Variants in HAO1 observed in about 807,000 individuals in gnomAD.
HAO1 encodes the protein hydroxyacid oxidase 1.
Under a neutral mutation model 39.7 loss-of-function variants are expected in HAO1, and 34 were observed. That is an observed-to-expected ratio of 0.86 (90% CI 0.65 to 1.14). HAO1 has a LOEUF of 1.14. Ranked by LOEUF, HAO1 falls within the 50% of genes most tolerant of loss-of-function variation. The pLI is 0.00. For synonymous variants in HAO1, 172 were observed against 173.2 expected (o/e 0.99, Z 0.05); for missense variants, 479 against 464.5 (o/e 1.03, Z -0.29).
At chr20:7,933,369 C>G (rs746336700) in intron 2 of HAO1, among the ~76,000 whole-genome samples, 1 of 152,024 alleles carries the variant, frequency 6.6e-6, no homozygotes, top group Non-Finnish European at 1.5e-5. Context: ...AAGGTTGTTG[C>G]CTATAGTTTC....
chr20:7,887,783 A>G (rs2050157215), intron 5 of HAO1, among the ~76,000 whole-genome samples: 1 of 152,170 alleles, frequency 6.6e-6, no homozygotes, highest in African/African-American at 2.4e-5. Flanking sequence ...AAGTAAACTA[A>G]TAAAGGTACT....
chr20:7,889,655 T>C (rs2050165059), intron 5 of HAO1, among the ~76,000 whole-genome samples: 1 of 152,190 alleles, frequency 6.6e-6, no homozygotes, highest in African/African-American at 2.4e-5. Context: ...TGACAGTAAG[T>C]ATTTCTCCAC....
At chr20:7,939,581 G>A (rs369907517) in intron 1 of HAO1, among the ~76,000 whole-genome samples, 2 of 152,078 alleles carry the variant, frequency 1.3e-5, no homozygotes, top group East Asian at 1.9e-4. Flanking sequence ...CTCCTCTCTT[G>A]CTCCAGCAAA....
intron 2 of HAO1, among the ~76,000 whole-genome samples, chr20:7,919,888 T>A (rs2122783364): frequency 6.6e-6 from 1 of 152,318 alleles, no homozygotes; most frequent in East Asian, 1.9e-4. Context: ...TTTAATTTAT[T>A]TATATTTATT....
intron 6 of HAO1, 28 bp from the exon 7 acceptor site, chr20:7,885,618 T>G (rs1264818747): frequency 6.4e-7 from 1 of 1,572,392 alleles, no homozygotes; most frequent in Admixed American, 1.7e-5. Flanking sequence ...TACAGAGTGA[T>G]TCAGAACTAA....
chr20:7,904,904 G>A (rs2050240203), intron 4 of HAO1, among the ~76,000 whole-genome samples: 1 of 152,116 alleles, frequency 6.6e-6, no homozygotes. Flanking sequence ...ATAACAACAT[G>A]GATGCAAGTA....
intron 4 of HAO1, among the ~76,000 whole-genome samples, chr20:7,905,793 G>T (rs2050244891): frequency 6.6e-6 from 1 of 152,038 alleles, no homozygotes; most frequent in East Asian, 1.9e-4. Context: ...ATCTCCTTGG[G>T]GCTTCTCTTT....
rs1050747549 is a variant in HAO1 at position 7,931,461 on chromosome 20, T to A, written c.289+3023A>T. The stretch of plus-strand genomic sequence containing the variant: ...GTCTGAATCCCATCTCTATCACTTA[T>A]GAATTGTGCATCCCTAGGCAAGGTT... On this transcript the variant is annotated intron_variant, in intron 2 of 7. Transcript: ENST00000378789. Among the ~76,000 whole-genome samples the A allele has an allele frequency of 2.0e-5, 3 of 152,192 alleles. No individual in the cohort carries two copies. The East Asian group carries it at 5.8e-4, about 29-fold the overall frequency.
chr20:7,923,075 T>C (rs1201083287), intron 2 of HAO1, among the ~76,000 whole-genome samples: 1 of 152,102 alleles, frequency 6.6e-6, no homozygotes, highest in Non-Finnish European at 1.5e-5. Context: ...TAGCTCGACC[T>C]TTCTAAACTG....
intron 2 of HAO1, among the ~76,000 whole-genome samples, chr20:7,921,686 A>G (rs1223429806): frequency 6.6e-6 from 1 of 152,158 alleles, no homozygotes; most frequent in East Asian, 1.9e-4. Context: ...TCACAATAGC[A>G]AAGACATGGA....
intron 2 of HAO1, among the ~76,000 whole-genome samples, chr20:7,918,387 A>G (rs556676147): frequency 3.9e-5 from 6 of 152,340 alleles, no homozygotes; most frequent in African/African-American, 1.4e-4. Flanking sequence ...TTTCTTAAGG[A>G]CAGATCTGAG....
intron 4 of HAO1, among the ~76,000 whole-genome samples, chr20:7,895,654 C>T (rs1001637156): frequency 1.3e-5 from 2 of 150,596 alleles, no homozygotes; most frequent in African/African-American, 4.9e-5. Flanking sequence ...GTGGACAAAC[C>T]TATTTCAAAA....
chr20:7,898,132 C>T (rs1174667706), intron 4 of HAO1, among the ~76,000 whole-genome samples: 1 of 152,168 alleles, frequency 6.6e-6, no homozygotes, highest in Non-Finnish European at 1.5e-5. Flanking sequence ...TCCACTGTTG[C>T]ATAAGAAGTA....
intron 2 of HAO1, among the ~76,000 whole-genome samples, chr20:7,931,868 T>A (rs1177016772): frequency 6.6e-6 from 1 of 152,088 alleles, no homozygotes; most frequent in Admixed American, 6.6e-5. Context: ...TATGAAAAAC[T>A]GTTTTCTCTG....
intron 2 of HAO1, among the ~76,000 whole-genome samples, chr20:7,933,655 T>C (rs2050396618): frequency 6.6e-6 from 1 of 152,208 alleles, no homozygotes; most frequent in African/African-American, 2.4e-5. Flanking sequence ...TTCTTAAAAC[T>C]AAAATGTTTT....
At chr20:7,902,916 TAA>T (rs993302825) in intron 4 of HAO1, among the ~76,000 whole-genome samples, 1 of 152,196 alleles carries the variant, frequency 6.6e-6, no homozygotes, top group Non-Finnish European at 1.5e-5. Flanking sequence ...ATACAATTAT[TAA>T]AATGGTGAGA....
intron 4 of HAO1, among the ~76,000 whole-genome samples, chr20:7,897,499 G>A (rs2050203132): frequency 6.6e-6 from 1 of 151,450 alleles, no homozygotes; most frequent in South Asian, 2.1e-4. Flanking sequence ...TTACCCTTTG[G>A]GAAATGTTAT....
At chr20:7,896,653 A>G (rs958918990) in intron 4 of HAO1, among the ~76,000 whole-genome samples, 11 of 152,130 alleles carry the variant, frequency 7.2e-5, no homozygotes, top group African/African-American at 1.7e-4. Context: ...CTGATCCCCA[A>G]TGTGATGGCA....
intron 2 of HAO1, among the ~76,000 whole-genome samples, chr20:7,924,530 C>T (rs998699522): frequency 1.3e-5 from 2 of 151,882 alleles, no homozygotes; most frequent in African/African-American, 4.8e-5. Context: ...ACAGCCACCA[C>T]CACCACCACA....
Sources: allele counts gnomAD v4.1 joint callset (sites outside exome capture counted in the v4.1 genomes callset), GRCh38; gene constraint gnomAD v4.1.1; transcripts MANE v1.5; gene names NCBI Gene and HGNC (gene_info 2026-07-23, HGNC 2026-07-21).